The following CDC42BPA variants were observed in gnomAD, a reference collection of about 807,000 sequenced individuals.
The protein encoded by CDC42BPA is CDC42 binding protein kinase alpha.
CDC42BPA carries 80 observed loss-of-function variants against 223.5 expected under a neutral mutation model. The observed-to-expected ratio is 0.36, with a 90% CI of 0.30 to 0.43. The LOEUF is 0.43. Ranked by LOEUF, CDC42BPA falls within the 20% of genes least tolerant of loss-of-function variation. CDC42BPA has a pLI of 1.00. For synonymous variants in CDC42BPA, 694 were observed against 718.6 expected (o/e 0.97, Z 0.55); for missense variants, 1,743 against 2,099.9 (o/e 0.83, Z 3.32).
chr1:226,996,174 A>C (rs926858350), intron 35 of CDC42BPA, among the ~76,000 whole-genome samples: 13 of 152,224 alleles, frequency 8.5e-5, no homozygotes, highest in Non-Finnish European at 4.4e-5. Flanking sequence ...GAACTGACTG[A>C]CTGCAGATCA....
At chr1:227,165,842 G>C (rs552535800) in intron 5 of CDC42BPA, among the ~76,000 whole-genome samples, 1 of 152,188 alleles carries the variant, frequency 6.6e-6, no homozygotes, top group Non-Finnish European at 1.5e-5. Context: ...GCAGGCATAA[G>C]AGGTATGCTG....
At chr1:227,152,322 C>G (rs1661938693) in intron 6 of CDC42BPA, among the ~76,000 whole-genome samples, 1 of 152,060 alleles carries the variant, frequency 6.6e-6, no homozygotes, top group Non-Finnish European at 1.5e-5. Flanking sequence ...AAAAGTATCC[C>G]TTCTATTTTT....
chr1:227,293,585 G>A (rs1286549891), intron 1 of CDC42BPA, among the ~76,000 whole-genome samples: 1 of 151,154 alleles, frequency 6.6e-6, no homozygotes, highest in African/African-American at 2.4e-5. Flanking sequence ...AGCACTTTGG[G>A]GAGGCCTAGG....
chr1:227,259,658 A>G (rs376330178), intron 1 of CDC42BPA, among the ~76,000 whole-genome samples: 3 of 150,942 alleles, frequency 2.0e-5, no homozygotes, highest in East Asian at 3.9e-4. Flanking sequence ...CATTAATATT[A>G]TAAGGCCTAA....
chr1:227,005,795 C>T (rs1274025506), intron 34 of CDC42BPA, among the ~76,000 whole-genome samples: 1 of 152,094 alleles, frequency 6.6e-6, no homozygotes, highest in Non-Finnish European at 1.5e-5. Context: ...TTACCTACTC[C>T]TTATTGATAT....
intron 6 of CDC42BPA, among the ~76,000 whole-genome samples, chr1:227,152,095 G>A (rs1661882839): frequency 6.6e-6 from 1 of 152,028 alleles, no homozygotes; most frequent in African/African-American, 2.4e-5. Flanking sequence ...CTTTGTTGCT[G>A]ACTTGTAGGA....
chr1:227,265,761 C>A (rs1684891657), intron 1 of CDC42BPA, among the ~76,000 whole-genome samples: 1 of 151,980 alleles, frequency 6.6e-6, no homozygotes, highest in Admixed American at 6.6e-5. Context: ...AATACTAATA[C>A]ATAATTGTAA....
chr1:227,242,664 C>CA (rs1361120581), intron 2 of CDC42BPA, among the ~76,000 whole-genome samples: 1 of 151,436 alleles, frequency 6.6e-6, no homozygotes, highest in African/African-American at 2.4e-5. Context: ...ACATCAGACT[C>CA]AAAAAAATTA....
chr1:227,000,063 T>A (rs1458178566), intron 35 of CDC42BPA, among the ~76,000 whole-genome samples: 1 of 151,222 alleles, frequency 6.6e-6, no homozygotes, highest in Non-Finnish European at 1.5e-5. Context: ...CAAACCTGCA[T>A]GTTCTACACA....
rs776679627 is a variant in CDC42BPA, at chr1:227,119,825, T to C, written c.1626A>G (p.Gln542=). The C allele has an allele frequency of 1.3e-6, 2 of 1,586,768 alleles. No homozygotes were observed. The highest frequency in any genetic ancestry group is 2.3e-5 in the East Asian group (1 of 44,390). ...TTACCTTATTTAGATCTTCTCTTTCTTGTTGTAACGTTTTGATTTGTTTTT... is the reference window on the plus strand; with the variant it reads ...TTACCTTATTTAGATCTTCTCTTTCCTGTTGTAACGTTTTGATTTGTTTTT... ...AYEKQIKTLQ[Q]EREDLNKELV... Residue 542 remains glutamine (Q), a synonymous_variant, in exon 12 of 37, where the codon CAA becomes CAG. Coordinates refer to ENST00000366766, the MANE Select transcript of CDC42BPA (RefSeq NM_001394014.1).
intron 5 of CDC42BPA, among the ~76,000 whole-genome samples, chr1:227,191,128 G>C (rs548650278): frequency 3.3e-5 from 5 of 152,100 alleles, no homozygotes; most frequent in Non-Finnish European, 5.9e-5. Flanking sequence ...AAGATCACCT[G>C]AGGTAGGGAG....
chr1:227,185,306 C>T (rs865973095), intron 5 of CDC42BPA, among the ~76,000 whole-genome samples: 4 of 152,068 alleles, frequency 2.6e-5, no homozygotes, highest in African/African-American at 7.2e-5. Flanking sequence ...GTCTTAGACC[C>T]GGGCTGGCAA....
chr1:227,200,827 C>T (rs1256449745), intron 3 of CDC42BPA, among the ~76,000 whole-genome samples: 5 of 152,188 alleles, frequency 3.3e-5, no homozygotes, highest in Non-Finnish European at 1.5e-5. Context: ...GAAAGCTCTG[C>T]TTTTCCCCAC....
chr1:227,268,652 G>A (rs1052897178), intron 1 of CDC42BPA, among the ~76,000 whole-genome samples: 1 of 138,682 alleles, frequency 7.2e-6, no homozygotes. Flanking sequence ...TAGTGTGTGT[G>A]TATATATATA....
chr1:227,306,342 A>T (rs964458225), intron 1 of CDC42BPA, among the ~76,000 whole-genome samples: 1 of 152,220 alleles, frequency 6.6e-6, no homozygotes, highest in African/African-American at 2.4e-5. Context: ...ACTGAGCCAG[A>T]TGCACACAGA....
intron 16 of CDC42BPA, among the ~76,000 whole-genome samples, chr1:227,091,030 C>T (rs1682975218): frequency 6.6e-6 from 1 of 152,060 alleles, no homozygotes; most frequent in Non-Finnish European, 1.5e-5. Context: ...GAGATGGTTT[C>T]TTTAGATATC....
Position 227,312,581 on chromosome 1 carries a change from G to T in CDC42BPA, c.178+4424C>A, listed in dbSNP as rs142101646. On this transcript the variant is annotated intron_variant, in intron 1 of 36. Transcript: ENST00000366766. Reference sequence around the variant, plus strand: ...TTCCTTTTTTAAAAAAGCTGGGTGTGGTGGTGCATGCCTGTAATCCCAGCT... The same window carrying T: ...TTCCTTTTTTAAAAAAGCTGGGTGTTGTGGTGCATGCCTGTAATCCCAGCT... 2.1e-3 allele frequency among the ~76,000 whole-genome samples: 319 copies of T among 152,262 alleles called. 3 individuals carry two copies. The highest frequency in any genetic ancestry group is 7.3e-3 in the African/African-American group (302 of 41,548).
At chr1:227,305,348 T>C (rs897246091) in intron 1 of CDC42BPA, among the ~76,000 whole-genome samples, 2 of 152,094 alleles carry the variant, frequency 1.3e-5, no homozygotes, top group South Asian at 2.1e-4. Flanking sequence ...TTACTCTGTA[T>C]AGATTACTCT....
chr1:227,070,942 T>C (rs2149051966), intron 20 of CDC42BPA, among the ~76,000 whole-genome samples: 1 of 151,994 alleles, frequency 6.6e-6, no homozygotes, highest in Non-Finnish European at 1.5e-5. Context: ...CTATTTGCCA[T>C]TAGGGCCACG....
Sources: gnomAD v4.1 joint callset for allele counts (sites outside exome capture counted in the v4.1 genomes callset) on GRCh38, gnomAD v4.1.1 for gene constraint, MANE v1.5 for transcripts, NCBI Gene and HGNC (gene_info 2026-07-23, HGNC 2026-07-21) for gene names.